The following SLC44A5 variants were observed in gnomAD, a reference collection of about 807,000 sequenced individuals.
SLC44A5 encodes the protein solute carrier family 44 member 5.
SLC44A5 carries 57 observed loss-of-function variants against 101.8 expected under a neutral mutation model. That is an observed-to-expected ratio of 0.56 (90% CI 0.45 to 0.70). The LOEUF is 0.70. Among genes scored for constraint, SLC44A5 ranks in the 30% least tolerant of loss-of-function variants. The pLI is 0.00. For synonymous variants in SLC44A5, 281 were observed against 290.9 expected, an observed-to-expected ratio of 0.97 and a Z score of 0.35; for missense variants, 737 against 853.1, an observed-to-expected ratio of 0.86 and a Z score of 1.70.
intron 4 of SLC44A5, among the ~76,000 whole-genome samples, chr1:75,309,671 T>G (rs1334085154): frequency 6.6e-6 from 1 of 152,150 alleles, no homozygotes; most frequent in Non-Finnish European, 1.5e-5. Flanking sequence ...ATCTGTGAAA[T>G]AGTATAATAA....
the SLC44A5 span, among the ~76,000 whole-genome samples, chr1:75,687,401 T>C: frequency 6.6e-6 from 1 of 152,150 alleles, no homozygotes; most frequent in African/African-American, 2.4e-5. Context: ...CCTCCTGGGT[T>C]CATGCCATTC....
intron 2 of SLC44A5, among the ~76,000 whole-genome samples, chr1:75,476,275 G>C (rs1361245261): frequency 6.6e-6 from 1 of 152,196 alleles, no homozygotes; most frequent in Non-Finnish European, 1.5e-5. Context: ...GAGCAGCCAA[G>C]ATGGTAGCAT....
chr1:75,630,325 C>G, the SLC44A5 span, among the ~76,000 whole-genome samples: 2 of 152,132 alleles, frequency 1.3e-5, no homozygotes, highest in Non-Finnish European at 2.9e-5. Flanking sequence ...TGGTTACAAT[C>G]ATTTCCATAG....
rs1648331353 is a variant in SLC44A5 at position 75,238,544 on chromosome 1, T to C, written c.625A>G (p.Arg209Gly). The change falls in exon 10 of 24, where the codon AGA (arginine) becomes GGA (glycine). Residue 209 changes from arginine (R) to glycine (G), a missense_variant. Arg to Gly is a moderately radical substitution (Grantham distance 125, BLOSUM62 -2). This residue lies in a region of SLC44A5 where 665 missense variants were observed against 764.4 expected (regional missense o/e 0.87). Coordinates refer to ENST00000370859, the MANE Select transcript of SLC44A5 (RefSeq NM_001130058.2). ...GCAATCCCGAGTTCTACAACACTTC[T>C]TGTCCCTCCATTTCCATCTTGAAAC... ...MMFQDGNGGT[R>G]SVVELGIAAN... 1 of 1,605,426 alleles carries C rather than the reference T, an allele frequency of 6.2e-7. No homozygotes were observed. Among genetic ancestry groups the C allele is most frequent in the Admixed American group, 1.7e-5 (1 of 58,506 alleles).
intron 4 of SLC44A5, among the ~76,000 whole-genome samples, chr1:75,330,576 T>C (rs1156670878): frequency 6.6e-6 from 1 of 152,166 alleles, no homozygotes; most frequent in African/African-American, 2.4e-5. Flanking sequence ...AATTTCTTCT[T>C]TATCTTGTGT....
At chr1:75,615,536 C>T (rs12131021), upstream of SLC44A5, among the ~76,000 whole-genome samples, 43,003 of 151,530 alleles carry the variant, frequency 0.28, 6,501 homozygotes, top group Non-Finnish European at 0.36. Context: ...CCAGTCGCTT[C>T]TCTCCCCACT....
chr1:75,672,804 C>A, the SLC44A5 span, among the ~76,000 whole-genome samples: 3 of 152,256 alleles, frequency 2.0e-5, no homozygotes, highest in South Asian at 6.2e-4. Context: ...CCTGAGGCAC[C>A]CATTCTAGGC....
intron 3 of SLC44A5, among the ~76,000 whole-genome samples, chr1:75,346,021 G>A (rs1658226404): frequency 1.3e-5 from 2 of 152,032 alleles, no homozygotes; most frequent in Non-Finnish European, 2.9e-5. Flanking sequence ...AAAGGGCATG[G>A]TACCCTACAT....
rs41291498 is a variant in SLC44A5, at chr1:75,242,943, G to C, written c.414C>G (p.Asp138Glu). The C allele has an allele frequency of 3.7e-3, 5,937 of 1,612,368 alleles. 26 individuals carry two copies. The highest frequency in any genetic ancestry group is 3.9e-3 in the Non-Finnish European group (4,549 of 1,179,094). The change falls in exon 8 of 24, where the codon GAC (aspartate) becomes GAG (glutamate). Residue 138 changes from aspartate to glutamate, a missense_variant. This residue lies in a region of SLC44A5 where 665 missense variants were observed against 764.4 expected (regional missense o/e 0.87). Coordinates refer to ENST00000370859, the MANE Select transcript of SLC44A5 (RefSeq NM_001130058.2). ...YVEMQLLYTK[D>E]KSYWEDYRQF... is the part of the protein sequence containing the mutation. ...GACGGTAGTCTTCCCAGTAGCTTTT[G>C]TCTTTTGTGTACAAAAGTTGCATTT...
chr1:75,332,948 G>C (rs1206488991), intron 4 of SLC44A5, among the ~76,000 whole-genome samples: 1 of 152,062 alleles, frequency 6.6e-6, no homozygotes, highest in Non-Finnish European at 1.5e-5. Context: ...TCTCATATTT[G>C]CTTCTTGTTG....
the SLC44A5 span, among the ~76,000 whole-genome samples, chr1:75,618,322 A>C: frequency 2.0e-5 from 3 of 152,204 alleles, no homozygotes; most frequent in African/African-American, 7.2e-5. Flanking sequence ...TAAGATCATC[A>C]AAAGAGGTTT....
At chr1:75,648,605 T>TA in the SLC44A5 span, among the ~76,000 whole-genome samples, 1 of 151,954 alleles carries the variant, frequency 6.6e-6, no homozygotes, top group Admixed American at 6.6e-5. Context: ...TGGCCTGCTT[T>TA]AGGAAAGAAG....
chr1:75,534,748 C>T (rs759447747), intron 2 of SLC44A5, among the ~76,000 whole-genome samples: 5 of 152,156 alleles, frequency 3.3e-5, no homozygotes, highest in Admixed American at 6.5e-5. Context: ...GGTGACTTTT[C>T]GTTTATTAAT....
intron 5 of SLC44A5, among the ~76,000 whole-genome samples, chr1:75,286,208 T>C (rs562885408): frequency 4.8e-4 from 73 of 152,192 alleles, no homozygotes; most frequent in African/African-American, 1.7e-3. Flanking sequence ...ACTAGTTCTT[T>C]TATCATTATA....
the SLC44A5 span, among the ~76,000 whole-genome samples, chr1:75,699,810 G>A: frequency 6.6e-6 from 1 of 152,176 alleles, no homozygotes; most frequent in African/African-American, 2.4e-5. Flanking sequence ...GATGGAGGAA[G>A]ATCTACCAAG....
intron 3 of SLC44A5, among the ~76,000 whole-genome samples, chr1:75,356,219 A>G (rs963306378): frequency 6.8e-6 from 1 of 147,772 alleles, no homozygotes; most frequent in African/African-American, 2.6e-5. Context: ...CAAAAAAAAA[A>G]AAAAAAAAAA....
chr1:75,274,329 G>A (rs186172969), intron 6 of SLC44A5, among the ~76,000 whole-genome samples: 4 of 152,064 alleles, frequency 2.6e-5, no homozygotes, highest in East Asian at 3.9e-4. Flanking sequence ...ATTTATGGGG[G>A]GCTGCTTGTG....
At chr1:75,651,609 A>C in the SLC44A5 span, among the ~76,000 whole-genome samples, 2 of 148,056 alleles carry the variant, frequency 1.4e-5, no homozygotes, top group Non-Finnish European at 3.0e-5. Flanking sequence ...AGGCAGGAGA[A>C]TGGCGTGAAC....
At chr1:75,280,986 C>T (rs901937809) in intron 5 of SLC44A5, among the ~76,000 whole-genome samples, 14 of 151,686 alleles carry the variant, frequency 9.2e-5, no homozygotes, top group African/African-American at 2.9e-4. Flanking sequence ...ATAAAGACAC[C>T]CAAAAATGTG....
Sources: gnomAD v4.1 joint callset for allele counts (sites outside exome capture counted in the v4.1 genomes callset) on GRCh38, gnomAD v4.1.1 for gene constraint, gnomAD v4.1.1 regional missense constraint, MANE v1.5 for transcripts, NCBI Gene and HGNC (gene_info 2026-07-23, HGNC 2026-07-21) for gene names.